Variants in UVSSA observed in about 807,000 individuals in gnomAD.
The protein encoded by UVSSA is UV-stimulated scaffold protein A.
UVSSA carries 72 observed loss-of-function variants against 73.9 expected under a neutral mutation model. The ratio of observed to expected loss-of-function variants is 0.97; its 90% CI spans 0.81 to 1.19. The LOEUF is 1.19. Among genes scored for constraint, UVSSA ranks in the 50% most tolerant of loss-of-function variants. The pLI, the probability that UVSSA is intolerant of heterozygous loss-of-function variation, is 0.00. For missense variants in UVSSA, 1,150 were observed against 965.0 expected, an observed-to-expected ratio of 1.19 and a Z score of -2.54; for synonymous variants, 454 against 391.3, an observed-to-expected ratio of 1.16 and a Z score of -1.89.
At chr4:1,363,608 G>A (rs1716938604) in intron 7 of UVSSA, among the ~76,000 whole-genome samples, 1 of 152,166 alleles carries the variant, frequency 6.6e-6, no homozygotes, top group Non-Finnish European at 1.5e-5. Context: ...GCTGAGAACC[G>A]TAATGCCCTG....
In UVSSA at chr4:1,366,426, A is replaced by C; in HGVS notation, c.1283A>C (p.Glu428Ala). Residue 428 changes from glutamate to alanine, a missense_variant, in exon 8 of 14, where the codon GAG becomes GCG. Coordinates refer to ENST00000389851, the MANE Select transcript of UVSSA (RefSeq NM_020894.4). ...EPHIPDHLRP[E>A]YGLEAAPEKD... Reference sequence around the variant, plus strand: ...CACATCCCCGACCACTTGCGGCCTGAGTATGGTGAGCAGTGGGTCCCGTGG... The same window carrying C: ...CACATCCCCGACCACTTGCGGCCTGCGTATGGTGAGCAGTGGGTCCCGTGG... The C allele has an allele frequency of 6.2e-7, 1 of 1,608,976 alleles. No homozygotes were observed. The highest frequency in any genetic ancestry group is 8.5e-7 in the Non-Finnish European group (1 of 1,177,574).
chr4:1,394,330 A>G, exon 14 of UVSSA: 1 of 1,099,024 alleles, frequency 9.1e-7, no homozygotes, highest in South Asian at 1.7e-5. Flanking sequence ...TGTTCTACTT[A>G]GAATGCTCTT....
chr4:1,362,174 G>T (rs1434977342), intron 7 of UVSSA, among the ~76,000 whole-genome samples: 1 of 152,168 alleles, frequency 6.6e-6, no homozygotes, highest in Non-Finnish European at 1.5e-5. Flanking sequence ...ATCCTTTTAA[G>T]TGTGGGTGAG....
chr4:1,360,675 C>T lies in UVSSA; in HGVS notation c.1176+5430C>T, dbSNP rs574361810. Among the ~76,000 whole-genome samples, 9 of 152,238 alleles carry T rather than the reference C, an allele frequency of 5.9e-5. No individual in the cohort carries two copies. In the East Asian group the frequency reaches 7.7e-4, roughly 13 times the overall value. On this transcript the variant is annotated intron_variant, in intron 7 of 13. Coordinates refer to ENST00000389851, the MANE Select transcript of UVSSA (RefSeq NM_020894.4). ...CTGAAGCAGGGTCCTTTCCCGCCCC[C>T]GTGAGCCGAGTGTGTGTGTGACTCA... is the stretch of plus-strand genomic sequence containing the variant.
chr4:1,388,822 A>G (rs1003347576), downstream of UVSSA: 3 of 152,188 alleles, frequency 2.0e-5, no homozygotes, highest in East Asian at 1.9e-4. Context: ...CATGGTGTAT[A>G]ATCCTTTTTC....
chr4:1,393,526 G>C (rs1720452912), exon 14 of UVSSA: 1 of 152,056 alleles, frequency 6.6e-6, no homozygotes, highest in Non-Finnish European at 1.5e-5. Flanking sequence ...TTGTACTCCA[G>C]CCTGGGCCAC....
intron 12 of UVSSA, among the ~76,000 whole-genome samples, chr4:1,382,473 C>T (rs1488353617): frequency 6.6e-6 from 1 of 152,346 alleles, no homozygotes; most frequent in African/African-American, 2.4e-5. Context: ...GGCCCGTCAG[C>T]GCCCAGGAAG....
intron 8 of UVSSA, among the ~76,000 whole-genome samples, chr4:1,373,323 C>T (rs1046467616): frequency 3.9e-5 from 6 of 152,130 alleles, no homozygotes; most frequent in Non-Finnish European, 5.9e-5. Flanking sequence ...GCATCCAGCA[C>T]GGGAGAATAG....
chr4:1,354,952 C>T, intron 6 of UVSSA, 105 bp downstream of exon 6: 1 of 1,534,478 alleles, frequency 6.5e-7, no homozygotes, highest in East Asian at 2.4e-5. Flanking sequence ...ACTGAATGGC[C>T]CTTAACCCGC....
chr4:1,346,344 C>T (rs924229528), upstream of UVSSA, among the ~76,000 whole-genome samples: 2 of 152,130 alleles, frequency 1.3e-5, no homozygotes, highest in African/African-American at 4.8e-5. Flanking sequence ...GGCGTCTGCT[C>T]TGCGTGGCCT....
At chr4:1,356,939 T>C (rs1577309692) in intron 7 of UVSSA, 1 of 152,998 alleles carries the variant, frequency 6.5e-6, no homozygotes, top group Non-Finnish European at 1.5e-5. Flanking sequence ...TGTCTGAAGG[T>C]GGCCGGTGGG....
upstream of UVSSA, among the ~76,000 whole-genome samples, chr4:1,342,627 A>T (rs4974552): frequency 0.29 from 43,769 of 151,960 alleles, 7,374 homozygotes; most frequent in Non-Finnish European, 0.39. Context: ...TTCGGCTTTT[A>T]AGTCTGTAAC....
At chr4:1,394,157 C>A in exon 14 of UVSSA, 1 of 412,996 alleles carries the variant, frequency 2.4e-6, no homozygotes, top group East Asian at 5.4e-5. Flanking sequence ...TCAGGTTCCT[C>A]TCGGGCACAC....
chr4:1,376,890 G>A (rs1375035084), intron 10 of UVSSA, among the ~76,000 whole-genome samples: 3 of 152,182 alleles, frequency 2.0e-5, no homozygotes, highest in Non-Finnish European at 4.4e-5. Flanking sequence ...TGGGATGGAA[G>A]GTCACCCTAA....
chr4:1,380,049 C>T lies in UVSSA; in HGVS notation c.1571C>T (p.Ser524Phe), dbSNP rs200573569. The change falls in exon 11 of 14, where the codon TCT becomes TTT. Residue 524 changes from serine to phenylalanine, a missense_variant and splice_region_variant. Physicochemically the swap from Ser to Phe is radical, Grantham distance 155. Transcript: ENST00000389851. Reference protein sequence around the residue: ...ELPTAGKIVKSDSQHRFWKPS... With the variant: ...ELPTAGKIVKFDSQHRFWKPS... ...AGGGCCTCTGGCTGTGTCTGCAGGT[C>T]TGACTCCCAGCACCGCTTCTGGAAG... 1 of 1,603,006 alleles carries T rather than the reference C, an allele frequency of 6.2e-7. No individual in the cohort carries two copies. The highest frequency in any genetic ancestry group is 2.2e-5 in the East Asian group (1 of 44,464).
intron 10 of UVSSA, among the ~76,000 whole-genome samples, chr4:1,376,979 GAC>G (rs1718850462): frequency 6.6e-6 from 1 of 152,220 alleles, no homozygotes; most frequent in South Asian, 2.1e-4. Context: ...GGCCAGGTGT[GAC>G]ACGGAATATT....
chr4:1,388,562 T>TC (rs1720321449), downstream of UVSSA: 1 of 152,264 alleles, frequency 6.6e-6, no homozygotes, highest in South Asian at 2.1e-4. Flanking sequence ...AAGCTTTCGG[T>TC]CTCTCACCAT....
intron 7 of UVSSA, among the ~76,000 whole-genome samples, chr4:1,363,106 G>C (rs1306397439): frequency 9.2e-6 from 1 of 108,638 alleles, no homozygotes; most frequent in East Asian, 2.0e-4. Flanking sequence ...GAGTTGCTGT[G>C]GTTTGAGGGG....
intron 7 of UVSSA, among the ~76,000 whole-genome samples, chr4:1,359,970 C>T (rs1560447082): frequency 6.6e-6 from 1 of 152,184 alleles, no homozygotes; most frequent in Non-Finnish European, 1.5e-5. Flanking sequence ...GTCTGACTTC[C>T]AGGAGGTGAA....
Sources: gnomAD v4.1 joint callset for allele counts (sites outside exome capture counted in the v4.1 genomes callset) on GRCh38, gnomAD v4.1.1 for gene constraint, MANE v1.5 for transcripts, NCBI Gene and HGNC (gene_info 2026-07-23, HGNC 2026-07-21) for gene names.